HAUS2: variants seen among roughly 807,000 people sequenced by gnomAD.
HAUS2 encodes the protein HAUS augmin like complex subunit 2.
A neutral mutation model predicts 21.6 loss-of-function variants in HAUS2; 20 were observed. The ratio of observed to expected loss-of-function variants is 0.93; its 90% CI spans 0.65 to 1.35. The LOEUF is 1.35. HAUS2 is among the 40% of genes most tolerant of loss of function. HAUS2 has a pLI of 0.00. For missense variants in HAUS2, 297 were observed against 280.7 expected (o/e 1.06, Z -0.42); for synonymous variants, 113 against 95.6 (o/e 1.18, Z -1.06).
At chr15:42,562,348 C>A (rs1255741499) in intron 4 of HAUS2, among the ~76,000 whole-genome samples, 1 of 152,210 alleles carries the variant, frequency 6.6e-6, no homozygotes, top group African/African-American at 2.4e-5. Context: ...GTAATCCCAA[C>A]ACTTTGGGAG....
intron 3 of HAUS2, 81 bp downstream of exon 3, chr15:42,559,489 A>G: frequency 7.6e-6 from 6 of 787,170 alleles, no homozygotes; most frequent in Non-Finnish European, 1.4e-5. Flanking sequence ...AGTCAGTCAA[A>G]TTATGATACA....
intron 1 of HAUS2, among the ~76,000 whole-genome samples, chr15:42,549,751 G>A (rs916210938): frequency 7.1e-6 from 1 of 139,900 alleles, no homozygotes; most frequent in African/African-American, 2.7e-5. Flanking sequence ...GCCCGGCCTT[G>A]GCATCTTTAA....
At chr15:42,559,546 T>A (rs1034411593) in intron 3 of HAUS2, 138 bp downstream of exon 3, 1 of 620,368 alleles carries the variant, frequency 1.6e-6, no homozygotes, top group Middle Eastern at 3.7e-4. Context: ...AATCTTGTAT[T>A]TCTATGCTGA....
At chr15:42,563,647 G>A (rs3986281) in intron 4 of HAUS2, 102 bp from the exon 5 acceptor site, 2 of 723,290 alleles carry the variant, frequency 2.8e-6, no homozygotes, top group Admixed American at 2.2e-5. Context: ...TAGGTTGATT[G>A]TAATTCTTAT....
At chr15:42,550,124 C>T (rs1490228496) in intron 1 of HAUS2, among the ~76,000 whole-genome samples, 1 of 152,026 alleles carries the variant, frequency 6.6e-6, no homozygotes, top group Non-Finnish European at 1.5e-5. Context: ...TATTAGCCGG[C>T]ATGGTGGCGT....
intron 2 of HAUS2, 71 bp downstream of exon 2, chr15:42,558,361 C>T (rs569171950): frequency 1.5e-5 from 9 of 608,314 alleles, no homozygotes; most frequent in South Asian, 9.5e-5. Flanking sequence ...TGCTCTGTCA[C>T]GCAGGCTGGA....
chr15:42,553,268 G>A lies in HAUS2; in HGVS notation c.93+4303G>A, dbSNP rs561360444. On this transcript the variant is annotated intron_variant, in intron 1 of 5. Coordinates refer to ENST00000260372, the MANE Select transcript of HAUS2 (RefSeq NM_018097.3). ...CCAAAGTGCTGGGATTACAGGCCAG[G>A]ATTTTTATATTAAGTATAAAGGTTC... Among the ~76,000 whole-genome samples the A allele has an allele frequency of 3.3e-5, 5 of 152,062 alleles. No individual in the cohort carries two copies. In the South Asian group the frequency reaches 1.0e-3, roughly 32 times the overall value.
At chr15:42,553,636 T>C (rs2057746540) in intron 1 of HAUS2, among the ~76,000 whole-genome samples, 1 of 152,162 alleles carries the variant, frequency 6.6e-6, no homozygotes, top group Non-Finnish European at 1.5e-5. Flanking sequence ...TTTTTTGTTA[T>C]CTGCTTCTTA....
chr15:42,566,972 G>T lies in HAUS2; in HGVS notation c.*156G>T. Reference sequence around the variant, plus strand: ...ATCTCAGGTTCATTAAGACCAAACTGACTTTTCCTTTGTTTTTCATATATT... The same window carrying T: ...ATCTCAGGTTCATTAAGACCAAACTTACTTTTCCTTTGTTTTTCATATATT... On this transcript the variant is annotated 3_prime_UTR_variant, in exon 6 of 6. Transcript: ENST00000260372. 1 of 474,094 alleles carries T rather than the reference G, an allele frequency of 2.1e-6. No individual in the cohort carries two copies. Among genetic ancestry groups the T allele is most frequent in the South Asian group, 3.7e-5 (1 of 27,162 alleles). The allele number at this position is 474,094 out of a possible 1,614,324, so 29.4% of individuals were successfully genotyped here. A position where few individuals can be genotyped will look rare whatever the true frequency, so the allele number is the denominator to read the frequency against.
At position 42,567,596 on chromosome 15, in the gene HAUS2, T is replaced by C. The variant is rs1274518310; in HGVS notation, c.*780T>C. On this transcript the variant is annotated 3_prime_UTR_variant, in exon 6 of 6. Coordinates refer to ENST00000260372, the MANE Select transcript of HAUS2 (RefSeq NM_018097.3). ...GCTCACACCTGTAATCCCAACACTT[T>C]GGGAGGCCGACCCAGATGGGTGGAT... is the stretch of plus-strand genomic sequence containing the variant. The C allele has an allele frequency of 1.3e-5, 2 of 152,144 alleles. No individual in the cohort carries two copies. Among genetic ancestry groups the C allele is most frequent in the East Asian group, 3.9e-4 (2 of 5,184 alleles). 9.4% of individuals were successfully genotyped at this position (152,144 alleles called of 1,614,324 possible). A position where few individuals can be genotyped will look rare whatever the true frequency, so the allele number is the denominator to read the frequency against.
At chr15:42,552,148 G>A (rs1435407334) in intron 1 of HAUS2, among the ~76,000 whole-genome samples, 1 of 151,878 alleles carries the variant, frequency 6.6e-6, no homozygotes, top group Non-Finnish European at 1.5e-5. Context: ...TCAGCTTCCT[G>A]AGTACCTGAG....
At position 42,548,864 on chromosome 15, in the gene HAUS2, G is replaced by A. The variant is rs1181953688; in HGVS notation, c.-9G>A. 1.9e-6 allele frequency: 3 copies of A among 1,546,808 alleles called. No individual in the cohort carries two copies. The highest frequency in any genetic ancestry group is 2.6e-6 in the Non-Finnish European group (3 of 1,144,708). On this transcript the variant is annotated 5_prime_UTR_variant, in exon 1 of 6. Coordinates refer to ENST00000260372, the MANE Select transcript of HAUS2 (RefSeq NM_018097.3). ...CTCTTGGCGCCTTCGCGGAAGGTGC[G>A]TCCGAGCCATGGCCGCTGCCAACCC...
intron 5 of HAUS2, among the ~76,000 whole-genome samples, chr15:42,565,264 T>TA (rs1203347259): frequency 1.3e-5 from 2 of 152,218 alleles, no homozygotes; most frequent in Non-Finnish European, 2.9e-5. Context: ...GGAAAAGTGA[T>TA]ACTCCACTTT....
In HAUS2 at chr15:42,559,331, T is replaced by A; in HGVS notation, c.187-8T>A. On this transcript the variant is annotated splice_polypyrimidine_tract_variant and splice_region_variant and intron_variant, in intron 2 of 5. Transcript: ENST00000260372. ...TTGAGCTAAATGTTACTTTTGTTCC[T>A]CATGTAGAAAAACCTGGAAATTGAA... 1 of 1,548,440 alleles carries A rather than the reference T, an allele frequency of 6.5e-7. No homozygotes were observed. Among genetic ancestry groups the A allele is most frequent in the Non-Finnish European group, 8.9e-7 (1 of 1,120,104 alleles).
intron 5 of HAUS2, among the ~76,000 whole-genome samples, chr15:42,564,128 T>C (rs2057881349): frequency 1.3e-5 from 2 of 151,996 alleles, no homozygotes; most frequent in East Asian, 3.9e-4. Flanking sequence ...TAGCTGGGCA[T>C]GGTGGTGCGT....
At chr15:42,555,816 G>C (rs755657858) in intron 1 of HAUS2, among the ~76,000 whole-genome samples, 1 of 152,166 alleles carries the variant, frequency 6.6e-6, no homozygotes, top group Non-Finnish European at 1.5e-5. Context: ...GTAAGGCTTT[G>C]TGGGCCATAT....
chr15:42,564,764 C>G (rs1418473705), intron 5 of HAUS2, among the ~76,000 whole-genome samples: 3 of 152,226 alleles, frequency 2.0e-5, no homozygotes. Flanking sequence ...GCTGAGATCA[C>G]AGGCATGAGC....
rs2057802853 is a variant in HAUS2 at position 42,557,776 on chromosome 15, C to T, written c.94-422C>T. 2.8e-5 allele frequency among the ~76,000 whole-genome samples: 4 copies of T among 142,952 alleles called. No homozygotes were observed. The South Asian group carries it at 6.7e-4, about 24-fold the overall frequency. 93.8% of individuals were successfully genotyped at this position (142,952 alleles called of 152,430 possible). On this transcript the variant is annotated intron_variant, in intron 1 of 5. Coordinates refer to ENST00000260372, the MANE Select transcript of HAUS2 (RefSeq NM_018097.3). Reference sequence around the variant, plus strand: ...CTTGTAGGCAACTGAGGTCATTTAACGAATCAGATAAATAATTCCATGAAG... The same window carrying T: ...CTTGTAGGCAACTGAGGTCATTTAATGAATCAGATAAATAATTCCATGAAG...
At position 42,566,962 on chromosome 15, in the gene HAUS2, A is replaced by G; in HGVS notation, c.*146A>G. On this transcript the variant is annotated 3_prime_UTR_variant, in exon 6 of 6. Coordinates refer to ENST00000260372, the MANE Select transcript of HAUS2 (RefSeq NM_018097.3). The stretch of plus-strand genomic sequence containing the variant: ...GAGTATCAAGATCTCAGGTTCATTA[A>G]GACCAAACTGACTTTTCCTTTGTTT... 1 of 505,268 alleles carries G rather than the reference A, an allele frequency of 2.0e-6. No homozygotes were observed. Among genetic ancestry groups the G allele is most frequent in the Non-Finnish European group, 3.5e-6 (1 of 286,368 alleles). The allele number at this position is 505,268 out of a possible 1,614,324, so 31.3% of individuals were successfully genotyped here.
Sources: allele counts gnomAD v4.1 joint callset (sites outside exome capture counted in the v4.1 genomes callset), GRCh38; gene constraint gnomAD v4.1.1; transcripts MANE v1.5; gene names NCBI Gene and HGNC (gene_info 2026-07-23, HGNC 2026-07-21).